ARMC9: variants seen among roughly 807,000 people sequenced by gnomAD.
The protein encoded by ARMC9 is armadillo repeat containing 9.
A neutral mutation model predicts 107.0 loss-of-function variants in ARMC9; 94 were observed. The ratio of observed to expected loss-of-function variants is 0.88; its 90% CI spans 0.74 to 1.04. The LOEUF is 1.04. Ranked by LOEUF, ARMC9 falls within the 50% of genes least tolerant of loss-of-function variation. The probability of loss-of-function intolerance (pLI) is 0.00; values close to 1 mark genes in which losing one functional copy is unlikely to be tolerated. For missense variants in ARMC9, 942 were observed against 1,030.1 expected, an observed-to-expected ratio of 0.91 and a Z score of 1.17; for synonymous variants, 380 against 396.9, an observed-to-expected ratio of 0.96 and a Z score of 0.51.
intron 19 of ARMC9, among the ~76,000 whole-genome samples, chr2:231,330,658 A>T (rs2043668150): frequency 6.6e-6 from 1 of 152,212 alleles, no homozygotes. Flanking sequence ...TGTGCGGCCC[A>T]GCCTGGTGAG....
chr2:231,290,950 GTTTT>G (rs58962746), intron 17 of ARMC9, among the ~76,000 whole-genome samples: 3 of 135,264 alleles, frequency 2.2e-5, no homozygotes, highest in Admixed American at 7.4e-5. Flanking sequence ...TTTTACAATA[GTTTT>G]TTTTTTTTTT....
At chr2:231,274,968 G>A (rs1055085100) in intron 14 of ARMC9, among the ~76,000 whole-genome samples, 26 of 151,980 alleles carry the variant, frequency 1.7e-4, no homozygotes, top group African/African-American at 5.3e-4. Flanking sequence ...CATGTTGATC[G>A]CTTTGGGGAA....
chr2:231,336,858 A>G (rs537328397), intron 20 of ARMC9, among the ~76,000 whole-genome samples: 1 of 152,186 alleles, frequency 6.6e-6, no homozygotes, highest in Non-Finnish European at 1.5e-5. Context: ...CAGGGTGTTC[A>G]TGGAGCTGCC....
intron 24 of ARMC9, among the ~76,000 whole-genome samples, 176 bp downstream of exon 24, chr2:231,370,301 C>T (rs1575206281): frequency 6.6e-6 from 1 of 152,348 alleles, no homozygotes; most frequent in East Asian, 1.9e-4. Context: ...GGCTTCCTTT[C>T]CTCCAGGGAC....
chr2:231,319,330 C>T (rs180710558), intron 19 of ARMC9, among the ~76,000 whole-genome samples: 25 of 152,194 alleles, frequency 1.6e-4, no homozygotes, highest in African/African-American at 6.0e-4. Flanking sequence ...GCCAAGTGTC[C>T]CCCATCCTAG....
intron 21 of ARMC9, among the ~76,000 whole-genome samples, chr2:231,351,866 A>G (rs2045097101): frequency 1.3e-5 from 2 of 152,062 alleles, no homozygotes; most frequent in East Asian, 3.8e-4. Context: ...CACCACCAGC[A>G]CCCTCTGGTA....
chr2:231,368,202 C>T (rs966856462), intron 23 of ARMC9, among the ~76,000 whole-genome samples: 4 of 152,028 alleles, frequency 2.6e-5, no homozygotes, highest in South Asian at 4.2e-4. Context: ...CACTAGACCA[C>T]GTACAAAGCT....
intron 19 of ARMC9, among the ~76,000 whole-genome samples, chr2:231,312,622 TC>T (rs2042421170): frequency 6.9e-6 from 1 of 144,688 alleles, no homozygotes; most frequent in African/African-American, 2.6e-5. Flanking sequence ...TTTTGCAAAA[TC>T]TAAGATTTTT....
At chr2:231,349,582 G>T (rs2044961820) in intron 21 of ARMC9, among the ~76,000 whole-genome samples, 1 of 152,100 alleles carries the variant, frequency 6.6e-6, no homozygotes, top group Admixed American at 6.5e-5. Context: ...AGGAGTTCGA[G>T]ACCAACCTGG....
chr2:231,348,659 G>A (rs2044909270), intron 21 of ARMC9, among the ~76,000 whole-genome samples: 1 of 152,156 alleles, frequency 6.6e-6, no homozygotes, highest in Non-Finnish European at 1.5e-5. Flanking sequence ...CACAGAATGG[G>A]AGAAAATATT....
At chr2:231,314,103 G>A (rs2042525780) in intron 19 of ARMC9, among the ~76,000 whole-genome samples, 1 of 149,074 alleles carries the variant, frequency 6.7e-6, no homozygotes, top group African/African-American at 2.5e-5. Flanking sequence ...TTTTGAGACG[G>A]AGTTTCACTC....
chr2:231,353,978 TATACACACACAC>T (rs2045220204), intron 21 of ARMC9, among the ~76,000 whole-genome samples: 4 of 138,224 alleles, frequency 2.9e-5, no homozygotes, highest in African/African-American at 1.3e-4. Flanking sequence ...TATATGTATA[TATACACACACAC>T]ACACACACAC....
intron 22 of ARMC9, among the ~76,000 whole-genome samples, chr2:231,357,771 C>A (rs1355794663): frequency 6.6e-6 from 1 of 152,120 alleles, no homozygotes; most frequent in African/African-American, 2.4e-5. Context: ...ACGAAGTTTG[C>A]TGTTGCCTAG....
chr2:231,258,826 G>A, intron 10 of ARMC9, 165 bp from the exon 11 acceptor site: 1 of 627,268 alleles, frequency 1.6e-6, no homozygotes, highest in Non-Finnish European at 2.8e-6. Context: ...TTGAAGCTGA[G>A]GTAGGAGCCT....
In ARMC9 at chr2:231,375,466, C is replaced by T. The variant is rs1455236773; in HGVS notation, c.*3931C>T. On this transcript the variant is annotated 3_prime_UTR_variant, in exon 25 of 25. Transcript: ENST00000611582. The surrounding 1 kb of genome is among the most constrained non-coding windows in gnomAD (Gnocchi z 4.3). The stretch of plus-strand genomic sequence containing the variant: ...TGCAAGCTACCACATAGATGCTGTT[C>T]AGAGCTTTGCAGGACCAAATCTTTT... Among the ~76,000 whole-genome samples, 1 of 152,226 alleles carries T rather than the reference C, an allele frequency of 6.6e-6. No homozygotes were observed. Among genetic ancestry groups the T allele is most frequent in the Non-Finnish European group, 1.5e-5 (1 of 68,036 alleles).
intron 14 of ARMC9, among the ~76,000 whole-genome samples, chr2:231,275,920 T>C (rs2039711267): frequency 6.6e-6 from 1 of 152,112 alleles, no homozygotes; most frequent in African/African-American, 2.4e-5. Context: ...GCCATTGCAC[T>C]CCAGCCTGGG....
chr2:231,206,137 C>G (rs531721146), intron 1 of ARMC9, 61 bp from the exon 2 acceptor site: 1 of 1,051,792 alleles, frequency 9.5e-7, no homozygotes, highest in South Asian at 1.3e-5. Flanking sequence ...CCACAACCAC[C>G]TTTTTGTAGT....
At chr2:231,258,360 T>TA (rs1484448054) in intron 10 of ARMC9, among the ~76,000 whole-genome samples, 1 of 152,038 alleles carries the variant, frequency 6.6e-6, no homozygotes, top group African/African-American at 2.4e-5. Context: ...TTTGTGTTTT[T>TA]AGTAGAGACG....
In ARMC9 at chr2:231,255,588, C is replaced by T. The variant is rs903975563; in HGVS notation, c.880-998C>T. 4.6e-5 allele frequency among the ~76,000 whole-genome samples: 7 copies of T among 151,924 alleles called. No individual in the cohort carries two copies. Among genetic ancestry groups the T allele is most frequent in the Admixed American group, 1.3e-4 (2 of 15,244 alleles). ...TAAAGGAATCAAAGAATGGTTACTC[C>T]GTAGGCAGAGCAGCCTCTAGAGTTT... On this transcript the variant is annotated intron_variant, in intron 9 of 24. Coordinates refer to ENST00000611582, the MANE Select transcript of ARMC9 (RefSeq NM_001352754.2). The surrounding 1 kb of genome is among the most constrained non-coding windows in gnomAD (Gnocchi z 4.7).
Sources: allele counts gnomAD v4.1 joint callset (sites outside exome capture counted in the v4.1 genomes callset), GRCh38; gene constraint gnomAD v4.1.1; non-coding constraint Gnocchi (gnomAD v3.1); transcripts MANE v1.5; gene names NCBI Gene and HGNC (gene_info 2026-07-23, HGNC 2026-07-21).